The following POFUT3 variants were observed in gnomAD, a reference collection of about 807,000 sequenced individuals.
The protein encoded by POFUT3 is protein O-fucosyltransferase 3.
the POFUT3 span, chr8:33,372,889 A>G: frequency 1.6e-6 from 2 of 1,233,100 alleles, no homozygotes; most frequent in Non-Finnish European, 2.3e-6. Context: ...TCCTTAAAAC[A>G]ACAGCTTTAC....
At chr8:33,323,761 G>A in the POFUT3 span, among the ~76,000 whole-genome samples, 1 of 152,134 alleles carries the variant, frequency 6.6e-6, no homozygotes, top group African/African-American at 2.4e-5. Context: ...TATAATAAGT[G>A]AAGTAACTTT....
the POFUT3 span, among the ~76,000 whole-genome samples, chr8:33,360,220 G>A: frequency 1.4e-4 from 21 of 151,698 alleles, no homozygotes; most frequent in East Asian, 1.2e-3. Context: ...CGAGGCAGGC[G>A]GATCGTGAGG....
At chr8:33,332,413 C>T in the POFUT3 span, among the ~76,000 whole-genome samples, 11 of 150,584 alleles carry the variant, frequency 7.3e-5, no homozygotes, top group African/African-American at 2.2e-4. Flanking sequence ...ATCGCTTAAA[C>T]CTGAAAGGTT....
chr8:33,383,293 G>C, the POFUT3 span, among the ~76,000 whole-genome samples: 25 of 152,246 alleles, frequency 1.6e-4, no homozygotes, highest in South Asian at 5.2e-3. Context: ...TGGAAGCCAG[G>C]TTAAGATCGT....
chr8:33,407,925 T>C, the POFUT3 span, among the ~76,000 whole-genome samples: 1 of 144,870 alleles, frequency 6.9e-6, no homozygotes, highest in East Asian at 2.0e-4. Context: ...GAGGTGGAGG[T>C]TGCAGGGAGC....
At chr8:33,441,003 T>C in the POFUT3 span, among the ~76,000 whole-genome samples, 1 of 152,078 alleles carries the variant, frequency 6.6e-6, no homozygotes, top group African/African-American at 2.4e-5. Context: ...TATCAAACTA[T>C]GACTGTAAAA....
the POFUT3 span, among the ~76,000 whole-genome samples, chr8:33,418,376 C>G: frequency 6.7e-6 from 1 of 149,476 alleles, no homozygotes; most frequent in Non-Finnish European, 1.5e-5. Flanking sequence ...CAAAAAATAA[C>G]AGATGCTGGT....
At chr8:33,312,198 G>A in the POFUT3 span, among the ~76,000 whole-genome samples, 2 of 151,792 alleles carry the variant, frequency 1.3e-5, no homozygotes, top group Non-Finnish European at 2.9e-5. Context: ...GGAGGCAGAG[G>A]TTGCAGTTAG....
the POFUT3 span, among the ~76,000 whole-genome samples, chr8:33,308,832 G>A: frequency 6.6e-6 from 1 of 151,932 alleles, no homozygotes; most frequent in African/African-American, 2.4e-5. Context: ...AGACTCCACC[G>A]AAGCTTCATG....
the POFUT3 span, among the ~76,000 whole-genome samples, chr8:33,455,593 G>T: frequency 6.6e-6 from 1 of 152,266 alleles, no homozygotes; most frequent in African/African-American, 2.4e-5. Flanking sequence ...CTGGAGAAAG[G>T]GTTGATCTGC....
chr8:33,407,294 T>C, the POFUT3 span, among the ~76,000 whole-genome samples: 2 of 152,218 alleles, frequency 1.3e-5, no homozygotes, highest in African/African-American at 2.4e-5. Context: ...GAGGCCCTGA[T>C]AGAACAATGC....
chr8:33,321,886 A>G, the POFUT3 span, among the ~76,000 whole-genome samples: 1 of 152,112 alleles, frequency 6.6e-6, no homozygotes, highest in African/African-American at 2.4e-5. Flanking sequence ...GAATGCTTAT[A>G]TAATAAGCAC....
chr8:33,439,031 C>T, the POFUT3 span, among the ~76,000 whole-genome samples: 1 of 152,212 alleles, frequency 6.6e-6, no homozygotes, highest in African/African-American at 2.4e-5. Flanking sequence ...ATCTTCAAAT[C>T]ACATCTCAAA....
chr8:33,318,597 A>C, the POFUT3 span, among the ~76,000 whole-genome samples: 6 of 100,804 alleles, frequency 6.0e-5, no homozygotes, highest in South Asian at 5.4e-4. Flanking sequence ...ATATTTATAT[A>C]ATATATAAAT....
the POFUT3 span, among the ~76,000 whole-genome samples, chr8:33,386,670 C>T: frequency 1.3e-5 from 2 of 151,808 alleles, no homozygotes; most frequent in Non-Finnish European, 2.9e-5. Flanking sequence ...ATTAGCCAGG[C>T]GTGGTGGCGG....
the POFUT3 span, among the ~76,000 whole-genome samples, chr8:33,399,915 A>G: frequency 6.6e-6 from 1 of 151,986 alleles, no homozygotes; most frequent in African/African-American, 2.4e-5. Flanking sequence ...CGGCCTCCCA[A>G]AGTGCTGGGA....
At chr8:33,357,514 A>G in the POFUT3 span, among the ~76,000 whole-genome samples, 2 of 148,990 alleles carry the variant, frequency 1.3e-5, no homozygotes, top group Admixed American at 6.7e-5. Flanking sequence ...ATATATATGT[A>G]TGTGTGTGTG....
the POFUT3 span, among the ~76,000 whole-genome samples, chr8:33,413,791 C>T: frequency 6.6e-6 from 1 of 152,130 alleles, no homozygotes; most frequent in African/African-American, 2.4e-5. Flanking sequence ...AACTGCAATA[C>T]ATACAATAAA....
chr8:33,454,185 G>A, the POFUT3 span, among the ~76,000 whole-genome samples: 1 of 152,184 alleles, frequency 6.6e-6, no homozygotes, highest in Admixed American at 6.6e-5. Context: ...TCTGAAGTCA[G>A]AAGTCTGCAA....
Sources: allele counts gnomAD v4.1 joint callset (sites outside exome capture counted in the v4.1 genomes callset), GRCh38; gene constraint gnomAD v4.1.1; transcripts MANE v1.5; gene names NCBI Gene and HGNC (gene_info 2026-07-23, HGNC 2026-07-21).